ARSG: variants seen among roughly 807,000 people sequenced by gnomAD.
ARSG encodes arylsulfatase G, also known as ASG.
In ARSG, 37 loss-of-function variants were observed where a neutral mutation model predicts 50.5. The ratio of observed to expected loss-of-function variants is 0.73; its 90% CI spans 0.56 to 0.96. The LOEUF (loss-of-function observed/expected upper bound fraction) is 0.96, where lower values mean the gene tolerates loss of function less well. Ranked by LOEUF, ARSG falls within the 50% of genes least tolerant of loss-of-function variation. The pLI, the probability that ARSG is intolerant of heterozygous loss-of-function variation, is 0.00. For missense variants in ARSG, 629 were observed against 675.3 expected, an observed-to-expected ratio of 0.93 and a Z score of 0.76; for synonymous variants, 225 against 254.6, an observed-to-expected ratio of 0.88 and a Z score of 1.11.
intron 2 of ARSG, among the ~76,000 whole-genome samples, chr17:68,334,195 G>T (rs908466179): frequency 6.6e-6 from 1 of 152,166 alleles, no homozygotes; most frequent in African/African-American, 2.4e-5. Context: ...TCAAGGCCAG[G>T]CCAGGCTTCC....
At chr17:68,358,988 C>A (rs1233511384) in intron 6 of ARSG, among the ~76,000 whole-genome samples, 1 of 152,014 alleles carries the variant, frequency 6.6e-6, no homozygotes, top group Non-Finnish European at 1.5e-5. Context: ...ACGATGAAAC[C>A]CCGTCTCTAC....
intron 11 of ARSG, among the ~76,000 whole-genome samples, chr17:68,413,300 G>T (rs1227201168): frequency 6.6e-6 from 1 of 151,958 alleles, no homozygotes; most frequent in Non-Finnish European, 1.5e-5. Flanking sequence ...TGGGTTTTTG[G>T]TGTGGATGTC....
chr17:68,435,871 T>G, the ARSG span, among the ~76,000 whole-genome samples: 1 of 152,258 alleles, frequency 6.6e-6, no homozygotes, highest in Non-Finnish European at 1.5e-5. Flanking sequence ...GTGTGTCATT[T>G]TCTGGTGAAT....
chr17:68,360,553 A>G (rs1323449708), intron 6 of ARSG, among the ~76,000 whole-genome samples: 1 of 152,238 alleles, frequency 6.6e-6, no homozygotes, highest in East Asian at 1.9e-4. Context: ...ACTGCTGGTC[A>G]TTCAGTTTAC....
the ARSG span, among the ~76,000 whole-genome samples, chr17:68,437,016 A>ATGTGTG: frequency 0.012 from 1,681 of 144,636 alleles, 35 homozygotes; most frequent in African/African-American, 0.037. Flanking sequence ...ATATATATAT[A>ATGTGTG]TGTGTGTGTG....
the ARSG span, chr17:68,450,993 A>G: frequency 6.7e-7 from 1 of 1,481,666 alleles, no homozygotes; most frequent in South Asian, 1.4e-5. Flanking sequence ...GCCAGGTTCC[A>G]AAGGTTCTCC....
chr17:68,409,164 G>C (rs1423323097), intron 11 of ARSG, among the ~76,000 whole-genome samples: 1 of 127,136 alleles, frequency 7.9e-6, no homozygotes, highest in African/African-American at 3.1e-5. Flanking sequence ...TGTTGCCATT[G>C]CTTTTGGTGT....
Position 68,381,341 on chromosome 17 carries a change from T to G in ARSG, c.983-3723T>G, listed in dbSNP as rs1299055188. The stretch of plus-strand genomic sequence containing the variant: ...TGCTGTGGCTAAATATTTATTGCTT[T>G]AAGAGGTTCTGCTTTAATTAGAGTC... On this transcript the variant is annotated intron_variant, in intron 8 of 11. Coordinates refer to ENST00000621439, the MANE Select transcript of ARSG (RefSeq NM_001267727.2). This position sits in a 1 kb window ranked among gnomAD's most constrained non-coding sequence, Gnocchi z 4.1. 2.0e-5 allele frequency among the ~76,000 whole-genome samples: 3 copies of G among 152,196 alleles called. No homozygotes were observed. Among genetic ancestry groups the G allele is most frequent in the Non-Finnish European group, 4.4e-5 (3 of 68,028 alleles).
chr17:68,263,212 T>C (rs1485731381), intron 1 of ARSG, among the ~76,000 whole-genome samples: 2 of 145,870 alleles, frequency 1.4e-5, no homozygotes, highest in East Asian at 2.0e-4. Context: ...CTTGCCACTT[T>C]TCTTGTTCTG....
chr17:68,268,452 T>C (rs527659557), intron 1 of ARSG: 1 of 152,488 alleles, frequency 6.6e-6, no homozygotes, highest in South Asian at 2.1e-4. Flanking sequence ...ATACTTAAAA[T>C]TTGTTTATTA....
rs770292731 is a variant in ARSG, at chr17:68,417,733, ATTTTTTTTTTTTTTTTT to A, written c.1304-2440_1304-2424del. ...CAAAAGACCTAATAAGAGTTGCTGA[ATTTTTTTTTTTTTTTTT>A]TTTTTTTTTTTTTTTGAGATGGAGT... On this transcript the variant is annotated intron_variant, in intron 11 of 11. Coordinates refer to ENST00000621439, the MANE Select transcript of ARSG (RefSeq NM_001267727.2). Among the ~76,000 whole-genome samples the A allele has an allele frequency of 4.9e-5, 3 of 60,788 alleles. 1 individual carries two copies. The highest frequency in any genetic ancestry group is 8.7e-5 in the Non-Finnish European group (3 of 34,584). The allele number at this position is 60,788 out of a possible 152,430, so 39.9% of individuals were successfully genotyped here.
chr17:68,298,453 G>C (rs1188188218), intron 1 of ARSG, among the ~76,000 whole-genome samples: 2 of 151,876 alleles, frequency 1.3e-5, no homozygotes, highest in African/African-American at 4.8e-5. Context: ...AAATTAGCTG[G>C]GCATGGTGGT....
chr17:68,278,480 T>C, intron 1 of ARSG: 1 of 600,904 alleles, frequency 1.7e-6, no homozygotes, highest in Admixed American at 3.0e-5. Context: ...GATGGAGTCT[T>C]GCTCTGTCAT....
At chr17:68,430,900 A>T in the ARSG span, among the ~76,000 whole-genome samples, 2 of 152,154 alleles carry the variant, frequency 1.3e-5, no homozygotes, top group Non-Finnish European at 2.9e-5. Flanking sequence ...TCCTGGTGGG[A>T]AGCTCGCCCT....
At chr17:68,389,004 G>A (rs1367947664) in intron 9 of ARSG, among the ~76,000 whole-genome samples, 1 of 152,108 alleles carries the variant, frequency 6.6e-6, no homozygotes, top group Non-Finnish European at 1.5e-5. Context: ...CTACCTCGTG[G>A]CTCTGAAAGA....
rs149373128 is a variant in ARSG, at chr17:68,338,231, G to A, written c.219-5373G>A. Among the ~76,000 whole-genome samples the A allele has an allele frequency of 7.8e-4, 119 of 152,186 alleles. No homozygotes were observed. The East Asian group carries it at 0.012, about 15-fold the overall frequency. On this transcript the variant is annotated intron_variant, in intron 2 of 11. Coordinates refer to ENST00000621439, the MANE Select transcript of ARSG (RefSeq NM_001267727.2). ...ATGTGTGTTTTTAGTGTGTGTGTGC[G>A]CGTGTGGGTGTCCCACACCTGTCTT...
chr17:68,449,513 G>A, the ARSG span, among the ~76,000 whole-genome samples: 6 of 152,220 alleles, frequency 3.9e-5, no homozygotes, highest in Admixed American at 3.3e-4. Flanking sequence ...AATCTTCAGT[G>A]TTGGAGGAAG....
intron 10 of ARSG, among the ~76,000 whole-genome samples, chr17:68,396,627 A>G (rs1012744018): frequency 1.3e-5 from 2 of 152,188 alleles, no homozygotes; most frequent in African/African-American, 4.8e-5. Flanking sequence ...TAAGGGTCAC[A>G]TGGAAGTGAC....
chr17:68,400,698 T>G (rs1289568602), intron 10 of ARSG: 1 of 152,258 alleles, frequency 6.6e-6, no homozygotes. Flanking sequence ...TTTAAAGCTC[T>G]GCCGTGGTCA....
Sources: allele counts gnomAD v4.1 joint callset (sites outside exome capture counted in the v4.1 genomes callset), GRCh38; gene constraint gnomAD v4.1.1; non-coding constraint Gnocchi (gnomAD v3.1); transcripts MANE v1.5; gene names NCBI Gene and HGNC (gene_info 2026-07-23, HGNC 2026-07-21).